The following SAXO2 variants were observed in gnomAD, a reference collection of about 807,000 sequenced individuals.
SAXO2 encodes the protein stabilizer of axonemal microtubules 2.
SAXO2 carries 17 observed loss-of-function variants against 18.7 expected under a neutral mutation model. The ratio of observed to expected loss-of-function variants is 0.91; its 90% CI spans 0.62 to 1.36. The LOEUF (loss-of-function observed/expected upper bound fraction) is 1.36, where lower values mean the gene tolerates loss of function less well. SAXO2 is among the 40% of genes most tolerant of loss of function. SAXO2 has a pLI of 0.00. For synonymous variants in SAXO2, 163 were observed against 181.2 expected (o/e 0.90, Z 0.81); for missense variants, 486 against 562.6 (o/e 0.86, Z 1.38).
Position 82,282,292 on chromosome 15 carries a change from G to T in SAXO2, c.607G>T (p.Ala203Ser). 1.2e-6 allele frequency: 2 copies of T among 1,614,162 alleles called. No individual in the cohort carries two copies. Among genetic ancestry groups the T allele is most frequent in the Non-Finnish European group, 1.7e-6 (2 of 1,180,024 alleles). Residue 203 changes from alanine (A) to serine (S), a missense_variant, in exon 4 of 4, where the codon GCC becomes TCC. Transcript: ENST00000682753. ...CTCCTCTGTGGTCAAACGTTCTACAGCCCCTTTTAATGGTATTACAAGTCA... is the reference window on the plus strand; with the variant it reads ...CTCCTCTGTGGTCAAACGTTCTACATCCCCTTTTAATGGTATTACAAGTCA... ...KPSSVVKRST[A>S]PFNGITSHRL...
At chr15:82,278,246 C>A (rs746613639) in intron 3 of SAXO2, among the ~76,000 whole-genome samples, 1 of 152,190 alleles carries the variant, frequency 6.6e-6, no homozygotes, top group Admixed American at 6.5e-5. Context: ...TAGAGACCTA[C>A]TACATCAAGT....
intron 2 of SAXO2, among the ~76,000 whole-genome samples, chr15:82,266,386 T>G (rs2075218744): frequency 6.6e-6 from 1 of 152,222 alleles, no homozygotes; most frequent in Non-Finnish European, 1.5e-5. Flanking sequence ...AACCAAACCC[T>G]ATCACTTCTC....
At position 82,282,236 on chromosome 15, in the gene SAXO2, A is replaced by G. The variant is rs753132794; in HGVS notation, c.551A>G (p.Gln184Arg). 3 of 1,614,228 alleles carry G rather than the reference A, an allele frequency of 1.9e-6. No individual in the cohort carries two copies. The highest frequency in any genetic ancestry group is 2.2e-5 in the East Asian group (1 of 44,894). Residue 184 changes from glutamine (Q) to arginine (R), a missense_variant, in exon 4 of 4, where the codon CAG (glutamine) becomes CGG (arginine). Physicochemically the swap from Gln to Arg is conservative, Grantham distance 43. Coordinates refer to ENST00000682753, the MANE Select transcript of SAXO2 (RefSeq NM_001348699.2). ...STTFQDDFVPQEIKPRQSFKP... is the reference protein window; with the variant it reads ...STTFQDDFVPREIKPRQSFKP... Reference sequence around the variant, plus strand: ...ACATTTCAGGATGATTTTGTTCCTCAGGAGATAAAGCCTAGGCAAAGCTTT... The same window carrying G: ...ACATTTCAGGATGATTTTGTTCCTCGGGAGATAAAGCCTAGGCAAAGCTTT...
At chr15:82,267,491 G>GAAA (rs2075230710) in intron 2 of SAXO2, among the ~76,000 whole-genome samples, 1 of 152,104 alleles carries the variant, frequency 6.6e-6, no homozygotes, top group Non-Finnish European at 1.5e-5. Context: ...ATGATTTTGG[G>GAAA]ACTCCAAGAT....
intron 2 of SAXO2, among the ~76,000 whole-genome samples, chr15:82,266,050 C>A (rs2075214514): frequency 6.6e-6 from 1 of 151,920 alleles, no homozygotes; most frequent in Non-Finnish European, 1.5e-5. Context: ...GGTGTCTAAT[C>A]TTTTGGCTTC....
chr15:82,264,326 G>T (rs1228425130), intron 1 of SAXO2, among the ~76,000 whole-genome samples: 1 of 150,800 alleles, frequency 6.6e-6, no homozygotes, highest in African/African-American at 2.4e-5. Flanking sequence ...TTCCCAAAGT[G>T]CTGGGATTAC....
intron 3 of SAXO2, among the ~76,000 whole-genome samples, chr15:82,279,635 G>A (rs1023427937): frequency 1.3e-5 from 2 of 152,150 alleles, no homozygotes; most frequent in African/African-American, 4.8e-5. Context: ...AACCATGGGA[G>A]TAGATTGGTG....
rs190112956 is a variant in SAXO2 at position 82,265,137 on chromosome 15, G to T, written c.54-432G>T. 1.7e-3 allele frequency among the ~76,000 whole-genome samples: 258 copies of T among 152,050 alleles called. 2 individuals carry two copies. The highest frequency in any genetic ancestry group is 0.01 in the Middle Eastern group (3 of 294). The stretch of plus-strand genomic sequence containing the variant: ...ATTACAGAGGAAACAGTTTTTGGGG[G>T]TTTTTTTGTTTTTAGTTTTTTGAGA... On this transcript the variant is annotated intron_variant, in intron 1 of 3. Transcript: ENST00000682753.
chr15:82,279,887 C>A (rs1475686365), intron 3 of SAXO2, among the ~76,000 whole-genome samples: 1 of 152,170 alleles, frequency 6.6e-6, no homozygotes, highest in African/African-American at 2.4e-5. Context: ...ACTTCTTGGA[C>A]TTAAACCTGT....
intron 2 of SAXO2, among the ~76,000 whole-genome samples, 159 bp downstream of exon 2, chr15:82,265,907 CAG>C (rs1321902382): frequency 1.4e-5 from 2 of 145,504 alleles, no homozygotes; most frequent in African/African-American, 5.1e-5. Context: ...AAAAAAAAAA[CAG>C]AAAAATGAGA....
Position 82,265,572 on chromosome 15 carries a change from A to G in SAXO2, c.57A>G (p.Arg19=), listed in dbSNP as rs543208530. 1 of 1,340,600 alleles carries G rather than the reference A, an allele frequency of 7.5e-7. No homozygotes were observed. Among genetic ancestry groups the G allele is most frequent in the Admixed American group, 3.6e-5 (1 of 28,074 alleles). 83.0% of individuals were successfully genotyped at this position (1,340,600 alleles called of 1,614,324 possible). Reference sequence around the variant, plus strand: ...TTTCAGTTTATTTTTTGCACAGGCGACATCATTGTCCACGTGGAACCACAA... The same window carrying G: ...TTTCAGTTTATTTTTTGCACAGGCGGCATCATTGTCCACGTGGAACCACAA... The part of the protein sequence containing the change: ...WCLCQICSCG[R]HHCPRGTTRI... Residue 19 remains arginine, a synonymous_variant, in exon 2 of 4, where the codon CGA becomes CGG. Transcript: ENST00000682753.
chr15:82,273,949 G>A (rs1197176011), intron 3 of SAXO2, among the ~76,000 whole-genome samples: 2 of 151,948 alleles, frequency 1.3e-5, no homozygotes, highest in African/African-American at 4.8e-5. Context: ...TGTTGGTCAG[G>A]CTGGTCTCAA....
In SAXO2 at chr15:82,283,091, C is replaced by T. The variant is rs2067518619; in HGVS notation, c.*29C>T. The T allele has an allele frequency of 7.3e-7, 1 of 1,375,250 alleles. No individual in the cohort carries two copies. The highest frequency in any genetic ancestry group is 9.5e-7 in the Non-Finnish European group (1 of 1,050,740). 85.2% of individuals were successfully genotyped at this position (1,375,250 alleles called of 1,614,324 possible). A position where few individuals can be genotyped will look rare whatever the true frequency, so the allele number is the denominator to read the frequency against. On this transcript the variant is annotated 3_prime_UTR_variant, in exon 4 of 4. Transcript: ENST00000682753. ...CCAAAATGTGCTTAAAAGGAAGGTA[C>T]TAGCAAGTTGTTGTTTTTCCAAGAG... is the stretch of plus-strand genomic sequence containing the variant.
chr15:82,263,256 G>A (rs2075158236), intron 1 of SAXO2: 1 of 1,466,250 alleles, frequency 6.8e-7, no homozygotes, highest in Admixed American at 2.0e-5. Context: ...ATCCGACTGG[G>A]AGAGTGCATT....
intron 2 of SAXO2, among the ~76,000 whole-genome samples, chr15:82,270,638 AATGAGTC>A (rs1037291767): frequency 3.3e-5 from 5 of 152,210 alleles, no homozygotes; most frequent in African/African-American, 1.2e-4. Flanking sequence ...TTAATCACAA[AATGAGTC>A]ACGTGTCAAT....
At chr15:82,262,956 C>G (rs1339457055) in intron 1 of SAXO2, 24 bp downstream of exon 1, 43 of 1,587,320 alleles carry the variant, frequency 2.7e-5, no homozygotes, top group Non-Finnish European at 3.5e-5. Context: ...GGTGTAGCGG[C>G]GGGCCCGGGC....
Position 82,265,722 on chromosome 15 carries a change from T to TA in SAXO2, c.211dup (p.Met71AsnfsTer8). 15 of 1,530,466 alleles carry TA rather than the reference T, an allele frequency of 9.8e-6. No individual in the cohort carries two copies. The highest frequency in any genetic ancestry group is 1.3e-5 in the Non-Finnish European group (15 of 1,144,900). 94.8% of individuals were successfully genotyped at this position (1,530,466 alleles called of 1,614,324 possible). The stretch of plus-strand genomic sequence containing the variant: ...AGCAAGAAATTCGAGCATGCCATGG[T>TA]AAAATGGAAGGAATAACTACATTTA... On this transcript the variant is annotated frameshift_variant, in exon 2 of 4. Coordinates refer to ENST00000682753, the MANE Select transcript of SAXO2 (RefSeq NM_001348699.2). LOFTEE classifies it high-confidence loss of function.
intron 2 of SAXO2, among the ~76,000 whole-genome samples, chr15:82,268,718 G>A (rs1317575352): frequency 6.6e-6 from 1 of 152,204 alleles, no homozygotes; most frequent in Admixed American, 6.5e-5. Context: ...TACAGTTGTA[G>A]CTCACTTAGA....
chr15:82,266,452 C>A (rs1366185657), intron 2 of SAXO2, among the ~76,000 whole-genome samples: 2 of 152,204 alleles, frequency 1.3e-5, no homozygotes, highest in Non-Finnish European at 2.9e-5. Context: ...AGAATCCTTA[C>A]CAAAATCATG....
Sources: gnomAD v4.1 joint callset for allele counts (sites outside exome capture counted in the v4.1 genomes callset) on GRCh38, gnomAD v4.1.1 for gene constraint, MANE v1.5 for transcripts, NCBI Gene and HGNC (gene_info 2026-07-23, HGNC 2026-07-21) for gene names.